ST8SIA1: variants seen among roughly 807,000 people sequenced by gnomAD.
ST8SIA1 encodes the protein ST8 alpha-N-acetyl-neuraminide alpha-2,8-sialyltransferase 1, also known as alpha-N-acetylneuraminide alpha-2,8-sialyltransferase.
A neutral mutation model predicts 35.9 loss-of-function variants in ST8SIA1; 16 were observed. The observed-to-expected ratio is 0.45, with a 90% CI of 0.30 to 0.68. The LOEUF (loss-of-function observed/expected upper bound fraction) is 0.68, where lower values mean the gene tolerates loss of function less well. ST8SIA1 is among the 30% of genes least tolerant of loss of function. ST8SIA1 has a pLI of 0.09. For missense variants in ST8SIA1, 383 were observed against 453.6 expected, an observed-to-expected ratio of 0.84 and a Z score of 1.41; for synonymous variants, 170 against 169.6, an observed-to-expected ratio of 1.00 and a Z score of -0.02.
intron 4 of ST8SIA1, among the ~76,000 whole-genome samples, chr12:22,222,814 T>C (rs1865314920): frequency 6.6e-6 from 1 of 152,092 alleles, no homozygotes; most frequent in South Asian, 2.1e-4. Flanking sequence ...TATACACACA[T>C]ATATTTATAT....
At chr12:22,276,560 A>T (rs1865970998) in intron 2 of ST8SIA1, among the ~76,000 whole-genome samples, 1 of 151,982 alleles carries the variant, frequency 6.6e-6, no homozygotes. Context: ...TGGTTCCAGG[A>T]CCACAGTGTC....
chr12:22,260,758 T>C (rs1865780465), intron 2 of ST8SIA1, among the ~76,000 whole-genome samples: 2 of 152,148 alleles, frequency 1.3e-5, no homozygotes, highest in African/African-American at 2.4e-5. Flanking sequence ...AATTCATTAT[T>C]ATGTACTAAC....
At chr12:22,320,376 G>C (rs1046193725) in intron 1 of ST8SIA1, among the ~76,000 whole-genome samples, 1 of 152,142 alleles carries the variant, frequency 6.6e-6, no homozygotes, top group Non-Finnish European at 1.5e-5. Context: ...GGTTTTCTAA[G>C]AGGACCAGTC....
intron 4 of ST8SIA1, among the ~76,000 whole-genome samples, chr12:22,207,963 C>T (rs1270221526): frequency 1.3e-5 from 2 of 151,674 alleles, no homozygotes; most frequent in African/African-American, 2.4e-5. Flanking sequence ...GCCAATATAG[C>T]GAAACCCCAT....
chr12:22,269,754 C>G (rs557700344), intron 2 of ST8SIA1, among the ~76,000 whole-genome samples: 21 of 152,164 alleles, frequency 1.4e-4, no homozygotes, highest in Non-Finnish European at 2.6e-4. Context: ...ATGTAAAACA[C>G]CTCACATAAA....
At chr12:22,253,125 G>A (rs974253363) in intron 3 of ST8SIA1, among the ~76,000 whole-genome samples, 1 of 152,160 alleles carries the variant, frequency 6.6e-6, no homozygotes, top group Admixed American at 6.5e-5. Context: ...AGGGCCTGAG[G>A]AATTGCCTAC....
At chr12:22,294,543 C>T (rs1357038831) in intron 1 of ST8SIA1, among the ~76,000 whole-genome samples, 2 of 152,130 alleles carry the variant, frequency 1.3e-5, no homozygotes, top group East Asian at 3.8e-4. Flanking sequence ...GAACTACAAA[C>T]ACAGAGAAAA....
At chr12:22,288,527 C>A (rs1169599542) in intron 1 of ST8SIA1, among the ~76,000 whole-genome samples, 2 of 152,222 alleles carry the variant, frequency 1.3e-5, no homozygotes, top group Non-Finnish European at 2.9e-5. Context: ...AGTAAGGCTG[C>A]AGCTGCAGGA....
intron 1 of ST8SIA1, among the ~76,000 whole-genome samples, chr12:22,305,526 G>T (rs539126693): frequency 1.3e-5 from 2 of 151,700 alleles, no homozygotes; most frequent in South Asian, 2.1e-4. Flanking sequence ...GATCACAGGC[G>T]CCCACTACTA....
intron 4 of ST8SIA1, among the ~76,000 whole-genome samples, chr12:22,207,442 C>T (rs1865124490): frequency 6.6e-6 from 1 of 152,022 alleles, no homozygotes; most frequent in African/African-American, 2.4e-5. Context: ...ATTTTAAGAA[C>T]TGTAATTAAG....
intron 1 of ST8SIA1, among the ~76,000 whole-genome samples, chr12:22,296,484 T>C (rs1367099346): frequency 6.6e-6 from 1 of 152,198 alleles, no homozygotes; most frequent in African/African-American, 2.4e-5. Context: ...CTCACTCTTG[T>C]CTCTGTCCTA....
At chr12:22,208,313 A>G (rs1184413584) in intron 4 of ST8SIA1, among the ~76,000 whole-genome samples, 1 of 152,154 alleles carries the variant, frequency 6.6e-6, no homozygotes, top group Non-Finnish European at 1.5e-5. Context: ...AAATCTGTCA[A>G]TATTTGAAGA....
intron 1 of ST8SIA1, among the ~76,000 whole-genome samples, chr12:22,297,385 G>T (rs370149873): frequency 6.6e-6 from 1 of 150,482 alleles, no homozygotes; most frequent in African/African-American, 2.4e-5. Flanking sequence ...GGACAGTAGC[G>T]TCTGTCCTGA....
intron 1 of ST8SIA1, chr12:22,324,396 T>C (rs1000410510): frequency 7.2e-5 from 11 of 152,204 alleles, no homozygotes; most frequent in Non-Finnish European, 1.3e-4. Flanking sequence ...ACCACATCTT[T>C]ATTCATAAAA....
At chr12:22,256,490 T>C (rs796449960) in intron 2 of ST8SIA1, among the ~76,000 whole-genome samples, 15 of 152,256 alleles carry the variant, frequency 9.9e-5, no homozygotes, top group African/African-American at 3.4e-4. Context: ...TATACACAAC[T>C]GGCATCAAAA....
intron 1 of ST8SIA1, among the ~76,000 whole-genome samples, chr12:22,290,409 A>G (rs146744550): frequency 6.5e-4 from 99 of 152,334 alleles, no homozygotes; most frequent in South Asian, 3.9e-3. Context: ...TAATAGTAGT[A>G]GTCATATTAG....
chr12:22,321,003 G>GAAAGA lies in ST8SIA1; in HGVS notation c.236+12993_236+12994insTCTTT, dbSNP rs377218947. On this transcript the variant is annotated intron_variant, in intron 1 of 4. Transcript: ENST00000396037. The stretch of plus-strand genomic sequence containing the variant: ...AGAAAGAAAGAAAGAAAGAAAGAAA[G>GAAAGA]AAGAAAGAAAGAAAGAAAGAAAGAA... 2.2e-3 allele frequency among the ~76,000 whole-genome samples: 168 copies of GAAAGA among 76,524 alleles called. 1 individual carries two copies. Among genetic ancestry groups the GAAAGA allele is most frequent in the East Asian group, 3.1e-3 (7 of 2,274 alleles). The allele number at this position is 76,524 out of a possible 152,430, so 50.2% of individuals were successfully genotyped here.
rs540394173 is a variant in ST8SIA1, at chr12:22,305,701, A to G, written c.237-18408T>C. On this transcript the variant is annotated intron_variant, in intron 1 of 4. Coordinates refer to ENST00000396037, the MANE Select transcript of ST8SIA1 (RefSeq NM_003034.4). ...CAGCCTAGCATACATTTTTGTTTGC[A>G]TTTATTGACCAAGCAATCTCATACT... is the stretch of plus-strand genomic sequence containing the variant. Among the ~76,000 whole-genome samples the G allele has an allele frequency of 4.6e-5, 7 of 152,250 alleles. No individual in the cohort carries two copies. In the East Asian group the frequency reaches 1.2e-3, roughly 25 times the overall value.
intron 1 of ST8SIA1, among the ~76,000 whole-genome samples, chr12:22,314,275 A>G (rs919289264): frequency 6.6e-6 from 1 of 152,192 alleles, no homozygotes; most frequent in Non-Finnish European, 1.5e-5. Flanking sequence ...ACTCTCAAAC[A>G]TGATTATCCC....
Sources: allele counts gnomAD v4.1 joint callset (sites outside exome capture counted in the v4.1 genomes callset), GRCh38; gene constraint gnomAD v4.1.1; transcripts MANE v1.5; gene names NCBI Gene and HGNC (gene_info 2026-07-23, HGNC 2026-07-21).